Variants in NR6A1 observed in about 807,000 individuals in gnomAD.
NR6A1 encodes the protein nuclear receptor subfamily 6 group A member 1, also known as retinoic acid receptor-related testis-associated receptor.
NR6A1 carries 7 observed loss-of-function variants against 59.1 expected under a neutral mutation model. That is an observed-to-expected ratio of 0.12 (90% CI 0.07 to 0.22). NR6A1 has a LOEUF of 0.22. NR6A1 is among the 10% of genes least tolerant of loss of function. The pLI is 1.00. For synonymous variants in NR6A1, 243 were observed against 236.1 expected, an observed-to-expected ratio of 1.03 and a Z score of -0.27; for missense variants, 468 against 611.6, an observed-to-expected ratio of 0.77 and a Z score of 2.48.
In NR6A1 at chr9:124,631,332, AG is replaced by A. The variant is rs1215769368; in HGVS notation, c.143-76763del. 3.3e-5 allele frequency among the ~76,000 whole-genome samples: 5 copies of A among 152,336 alleles called. No individual in the cohort carries two copies. The East Asian group carries it at 9.6e-4, about 29-fold the overall frequency. On this transcript the variant is annotated intron_variant, in intron 2 of 9. Transcript: ENST00000487099. ...TGGCCACAACTGGAAGATGACTTTA[AG>A]GTGAAATATTAAGATACAAGGATCA...
intron 2 of NR6A1, among the ~76,000 whole-genome samples, chr9:124,643,242 C>T (rs555421965): frequency 9.2e-5 from 14 of 152,094 alleles, no homozygotes; most frequent in African/African-American, 3.4e-4. Flanking sequence ...CGGGAAGATA[C>T]TTGAGGCCAG....
At chr9:124,770,632 G>C (rs1257420806) in intron 1 of NR6A1, among the ~76,000 whole-genome samples, 16 of 147,864 alleles carry the variant, frequency 1.1e-4, no homozygotes, top group African/African-American at 3.8e-4. Context: ...AGGAGCCCGG[G>C]GGGAGGGGAA....
intron 2 of NR6A1, among the ~76,000 whole-genome samples, chr9:124,613,764 T>C (rs1389804261): frequency 6.6e-6 from 1 of 152,176 alleles, no homozygotes; most frequent in African/African-American, 2.4e-5. Context: ...ACAAAGAACA[T>C]TACTGGCATA....
At position 124,521,185 on chromosome 9, in the gene NR6A1, C is replaced by G. The variant is rs1340685082; in HGVS notation, c.*1520G>C. 1 of 152,322 alleles carries G rather than the reference C, an allele frequency of 6.6e-6. No homozygotes were observed. The highest frequency in any genetic ancestry group is 1.5e-5 in the Non-Finnish European group (1 of 68,116). 9.4% of individuals were successfully genotyped at this position (152,322 alleles called of 1,614,324 possible). A position where few individuals can be genotyped will look rare whatever the true frequency, so the allele number is the denominator to read the frequency against. ...GAAAGATACCTGGGTGTAGGCAGGACAAGCACCTGAAAGAGTTCAAAGACA... is the reference window on the plus strand; with the variant it reads ...GAAAGATACCTGGGTGTAGGCAGGAGAAGCACCTGAAAGAGTTCAAAGACA... On this transcript the variant is annotated 3_prime_UTR_variant, in exon 10 of 10. Coordinates refer to ENST00000487099, the MANE Select transcript of NR6A1 (RefSeq NM_033334.4).
chr9:124,758,715 T>C lies in NR6A1; in HGVS notation c.100+12305A>G, dbSNP rs377231953. ...ATAAATTATGGGATCTCACAGACTT[T>C]AAAGCAGCCAAGGGTTCTAAAGCAG... On this transcript the variant is annotated intron_variant, in intron 1 of 9. Coordinates refer to ENST00000487099, the MANE Select transcript of NR6A1 (RefSeq NM_033334.4). 1.7e-4 allele frequency among the ~76,000 whole-genome samples: 26 copies of C among 152,322 alleles called. No individual in the cohort carries two copies. The East Asian group carries it at 3.1e-3, about 18-fold the overall frequency.
chr9:124,587,809 A>C (rs1327638983), intron 2 of NR6A1, among the ~76,000 whole-genome samples: 1 of 152,222 alleles, frequency 6.6e-6, no homozygotes, highest in African/African-American at 2.4e-5. Context: ...CATTCACATG[A>C]CTTTACTAAC....
chr9:124,526,205 G>C (rs1832928675), intron 8 of NR6A1, among the ~76,000 whole-genome samples: 1 of 152,186 alleles, frequency 6.6e-6, no homozygotes, highest in Non-Finnish European at 1.5e-5. Context: ...GCTGCCAAGT[G>C]CCCCTTTGCA....
At chr9:124,718,382 G>A (rs771414797) in intron 2 of NR6A1, among the ~76,000 whole-genome samples, 4 of 152,224 alleles carry the variant, frequency 2.6e-5, no homozygotes, top group Non-Finnish European at 4.4e-5. Flanking sequence ...TGAAAATGCT[G>A]TAGAAGTCTT....
Position 124,711,433 on chromosome 9 carries a change from T to A in NR6A1, c.142+21875A>T, listed in dbSNP as rs556843409. Among the ~76,000 whole-genome samples, 254 of 141,794 alleles carry A rather than the reference T, an allele frequency of 1.8e-3. 4 individuals are homozygous for A. In the East Asian group the frequency reaches 0.04, roughly 22 times the overall value. The allele number at this position is 141,794 out of a possible 152,430, so 93.0% of individuals were successfully genotyped here. A position where few individuals can be genotyped will look rare whatever the true frequency, so the allele number is the denominator to read the frequency against. On this transcript the variant is annotated intron_variant, in intron 2 of 9. Transcript: ENST00000487099. Reference sequence around the variant, plus strand: ...GAAAATCTGTTCTCCTATTTCCATTTAAAAAAAAAAAAAGCCACATCTTAG... The same window carrying A: ...GAAAATCTGTTCTCCTATTTCCATTAAAAAAAAAAAAAAGCCACATCTTAG...
At chr9:124,585,561 G>C (rs1046193147) in intron 2 of NR6A1, among the ~76,000 whole-genome samples, 5 of 128,400 alleles carry the variant, frequency 3.9e-5, no homozygotes, top group Admixed American at 7.4e-5. Context: ...AAAAAAAAGG[G>C]GGGGGGGGGC....
chr9:124,525,710 T>TAC lies in NR6A1; in HGVS notation c.1202-839_1202-838dup, dbSNP rs747297848. Among the ~76,000 whole-genome samples, 323 of 146,194 alleles carry TAC rather than the reference T, an allele frequency of 2.2e-3. 2 individuals are homozygous for TAC. Among genetic ancestry groups the TAC allele is most frequent in the African/African-American group, 6.3e-3 (250 of 39,588 alleles). ...CTCTCTCTCTCTCTCTATATATATATACACACACACACACCTTTTTTATAT... is the reference window on the plus strand; with the variant it reads ...CTCTCTCTCTCTCTCTATATATATATACACACACACACACACCTTTTTTATAT... On this transcript the variant is annotated intron_variant, in intron 8 of 9. Transcript: ENST00000487099.
At chr9:124,763,088 T>C (rs1840825174) in intron 1 of NR6A1, among the ~76,000 whole-genome samples, 1 of 152,210 alleles carries the variant, frequency 6.6e-6, no homozygotes, top group Non-Finnish European at 1.5e-5. Context: ...CACAACATAA[T>C]CACACAAGCA....
rs552034716 is a variant in NR6A1 at position 124,607,777 on chromosome 9, G to A, written c.143-53207C>T. Reference sequence around the variant, plus strand: ...AAATAATACCTGGGTGGGCACGGTGGCCAACACCTACAATCCCAGCACTTT... The same window carrying A: ...AAATAATACCTGGGTGGGCACGGTGACCAACACCTACAATCCCAGCACTTT... On this transcript the variant is annotated intron_variant, in intron 2 of 9. Coordinates refer to ENST00000487099, the MANE Select transcript of NR6A1 (RefSeq NM_033334.4). Among the ~76,000 whole-genome samples, 5 of 152,244 alleles carry A rather than the reference G, an allele frequency of 3.3e-5. No individual in the cohort carries two copies. In the East Asian group the frequency reaches 9.6e-4, roughly 29 times the overall value.
At position 124,601,666 on chromosome 9, in the gene NR6A1, G is replaced by A. The variant is rs558081188; in HGVS notation, c.143-47096C>T. Among the ~76,000 whole-genome samples the A allele has an allele frequency of 6.0e-4, 90 of 150,230 alleles. 1 individual carries two copies. The South Asian group carries it at 0.019, about 31-fold the overall frequency. On this transcript the variant is annotated intron_variant, in intron 2 of 9. Coordinates refer to ENST00000487099, the MANE Select transcript of NR6A1 (RefSeq NM_033334.4). ...AGACTATATATATAAAGCATATATAGAGTATGCTTACATAGGCTCAGCAAG... is the reference window on the plus strand; with the variant it reads ...AGACTATATATATAAAGCATATATAAAGTATGCTTACATAGGCTCAGCAAG...
chr9:124,589,021 C>T (rs1224501921), intron 2 of NR6A1, among the ~76,000 whole-genome samples: 2 of 151,978 alleles, frequency 1.3e-5, no homozygotes, highest in East Asian at 3.9e-4. Flanking sequence ...CAGACTATAT[C>T]CAGTGACAGG....
At chr9:124,748,942 T>C (rs1290186160) in intron 1 of NR6A1, among the ~76,000 whole-genome samples, 1 of 151,472 alleles carries the variant, frequency 6.6e-6, no homozygotes, top group Non-Finnish European at 1.5e-5. Flanking sequence ...AAACAGTACC[T>C]AGCATATAGC....
intron 2 of NR6A1, among the ~76,000 whole-genome samples, chr9:124,697,573 T>C (rs1006136195): frequency 1.3e-5 from 2 of 151,426 alleles, no homozygotes; most frequent in African/African-American, 4.9e-5. Flanking sequence ...GTATGTTGTG[T>C]AGGCCAAAGA....
intron 2 of NR6A1, among the ~76,000 whole-genome samples, chr9:124,727,418 G>A (rs1464901155): frequency 6.6e-6 from 1 of 152,168 alleles, no homozygotes; most frequent in Non-Finnish European, 1.5e-5. Flanking sequence ...AATTTGTACT[G>A]TTAACAGCAC....
chr9:124,645,912 C>T (rs549610821), intron 2 of NR6A1, among the ~76,000 whole-genome samples: 2 of 152,180 alleles, frequency 1.3e-5, no homozygotes, highest in East Asian at 1.9e-4. Flanking sequence ...TAATAGAAAT[C>T]GTACAATGTT....
Sources: gnomAD v4.1 joint callset for allele counts (sites outside exome capture counted in the v4.1 genomes callset) on GRCh38, gnomAD v4.1.1 for gene constraint, MANE v1.5 for transcripts, NCBI Gene and HGNC (gene_info 2026-07-23, HGNC 2026-07-21) for gene names.